ACTN1: variants seen among roughly 807,000 people sequenced by gnomAD.
The protein encoded by ACTN1 is actinin alpha 1.
ACTN1 carries 30 observed loss-of-function variants against 119.6 expected under a neutral mutation model. The observed-to-expected ratio is 0.25, with a 90% CI of 0.19 to 0.34. ACTN1 has a LOEUF of 0.34. ACTN1 is among the 10% of genes least tolerant of loss of function. The pLI, the probability that ACTN1 is intolerant of heterozygous loss-of-function variation, is 1.00. For synonymous variants in ACTN1, 429 were observed against 472.6 expected, an observed-to-expected ratio of 0.91 and a Z score of 1.20; for missense variants, 764 against 1,223.4, an observed-to-expected ratio of 0.62 and a Z score of 5.60.
intron 1 of ACTN1, among the ~76,000 whole-genome samples, chr14:68,946,513 A>G (rs1319805466): frequency 1.3e-5 from 2 of 152,154 alleles, no homozygotes. Flanking sequence ...GAAGTGGCAG[A>G]AGTCCTACCC....
At chr14:68,918,203 C>T (rs1246804051) in intron 3 of ACTN1, among the ~76,000 whole-genome samples, 1 of 152,232 alleles carries the variant, frequency 6.6e-6, no homozygotes. Flanking sequence ...AGAGTTCACG[C>T]CAGTGTTCCT....
chr14:68,935,326 G>A (rs902390431), intron 1 of ACTN1, among the ~76,000 whole-genome samples: 7 of 149,412 alleles, frequency 4.7e-5, no homozygotes, highest in Admixed American at 2.0e-4. Context: ...GCCTGGCAAT[G>A]TGGTTGGTTT....
intron 1 of ACTN1, among the ~76,000 whole-genome samples, chr14:68,930,503 G>A (rs1160777338): frequency 2.0e-5 from 3 of 152,146 alleles, no homozygotes; most frequent in African/African-American, 4.8e-5. Flanking sequence ...TTACAATCAA[G>A]CATCCTTCAT....
intron 14 of ACTN1, among the ~76,000 whole-genome samples, chr14:68,883,878 A>G (rs866156061): frequency 6.6e-6 from 1 of 152,078 alleles, no homozygotes; most frequent in Non-Finnish European, 1.5e-5. Context: ...GGAAACAAAC[A>G]TTTGCTTGTG....
chr14:68,893,582 A>C (rs2032659898), intron 9 of ACTN1, 73 bp downstream of exon 9: 1 of 1,388,986 alleles, frequency 7.2e-7, no homozygotes, highest in African/African-American at 1.4e-5. Context: ...GCTCCAAGGA[A>C]AGACTTGGAG....
At chr14:68,888,950 T>C (rs912346479) in intron 11 of ACTN1, among the ~76,000 whole-genome samples, 12 of 152,116 alleles carry the variant, frequency 7.9e-5, no homozygotes, top group African/African-American at 2.7e-4. Flanking sequence ...GCCAAGCCAC[T>C]CCCAAATGGC....
chr14:68,890,376 C>T (rs1047489042), intron 10 of ACTN1, 90 bp from the exon 11 acceptor site: 4 of 1,470,622 alleles, frequency 2.7e-6, no homozygotes, highest in African/African-American at 1.4e-5. Flanking sequence ...GTGCCCCATG[C>T]CTTCCAGGAA....
chr14:68,936,073 C>A (rs367667161), intron 1 of ACTN1, among the ~76,000 whole-genome samples: 13 of 152,310 alleles, frequency 8.5e-5, no homozygotes, highest in Middle Eastern at 3.4e-3. Flanking sequence ...CAAACAAGTC[C>A]CTCCTACCTT....
In ACTN1 at chr14:68,878,896, G is replaced by A. The variant is rs755179466; in HGVS notation, c.2361+93C>T. On this transcript the variant is annotated intron_variant, in intron 19 of 21. Transcript: ENST00000394419. This position sits in a 1 kb window ranked among gnomAD's most constrained non-coding sequence, Gnocchi z 4.4. ...CCCATGGCCCACAGGAGGGGGACAG[G>A]AGATCCAGACAGAGAGAAGAGAAAA... The A allele has an allele frequency of 7.5e-6, 12 of 1,602,448 alleles. No individual in the cohort carries two copies. The highest frequency in any genetic ancestry group is 1.0e-5 in the Non-Finnish European group (12 of 1,178,724).
intron 3 of ACTN1, among the ~76,000 whole-genome samples, chr14:68,915,272 C>T (rs562422146): frequency 2.0e-5 from 3 of 149,602 alleles, no homozygotes; most frequent in Admixed American, 2.0e-4. Flanking sequence ...TCCCCTCCTT[C>T]TCCTCCTCCT....
At chr14:68,976,003 C>T (rs892350038) in intron 1 of ACTN1, among the ~76,000 whole-genome samples, 8 of 152,178 alleles carry the variant, frequency 5.3e-5, no homozygotes, top group Non-Finnish European at 8.8e-5. Context: ...GTCCCATTTA[C>T]AGAGGAGGAA....
intron 1 of ACTN1, among the ~76,000 whole-genome samples, chr14:68,976,731 A>G (rs924652697): frequency 5.3e-5 from 8 of 152,142 alleles, no homozygotes; most frequent in African/African-American, 1.9e-4. Context: ...TCCCAGCCCC[A>G]CCAAACACAG....
Position 68,890,184 on chromosome 14 carries a change from C to G in ACTN1, c.1189G>C (p.Glu397Gln). The change falls in exon 11 of 22, where the codon GAG (glutamate) becomes CAG (glutamine). Residue 397 changes from glutamate to glutamine, a missense_variant. By Grantham distance (29) the Glu-to-Gln change is conservative (BLOSUM62 2). This residue lies in a region of ACTN1 where 544 missense variants were observed against 912.0 expected (regional missense o/e 0.60). Transcript: ENST00000394419. ...ATGGAGGCCTTCTGCCGGAACTTCT[C>G]TGCCAGGTGGTCCAGTCGCTCCAGC... The part of the protein sequence containing the change: ...RRLERLDHLA[E>Q]KFRQKASIHE... The G allele has an allele frequency of 6.2e-7, 1 of 1,614,200 alleles. No homozygotes were observed.
chr14:68,931,759 A>T (rs1261436663), intron 1 of ACTN1, among the ~76,000 whole-genome samples: 3 of 152,148 alleles, frequency 2.0e-5, no homozygotes, highest in African/African-American at 7.2e-5. Context: ...AGGCTCCAAA[A>T]ATGGGAGCTA....
chr14:68,902,358 CGA>C, intron 8 of ACTN1, 117 bp downstream of exon 8: 1 of 876,822 alleles, frequency 1.1e-6, no homozygotes, highest in Non-Finnish European at 1.9e-6. Context: ...TGCCTCTGTC[CGA>C]GAGACCAGAC....
chr14:68,890,619 C>T (rs1173058353), intron 10 of ACTN1, among the ~76,000 whole-genome samples: 1 of 152,096 alleles, frequency 6.6e-6, no homozygotes, highest in Non-Finnish European at 1.5e-5. Flanking sequence ...TCTAACCGAT[C>T]ACAGAGGTCA....
Position 68,880,908 on chromosome 14 carries a change from C to T in ACTN1, c.2035G>A (p.Val679Ile), listed in dbSNP as rs563771485. ...SHLRQYEKSI[V>I]NYKPKIDQLE... is the part of the protein sequence containing the mutation. Reference sequence around the variant, plus strand: ...TGATCAATCTTTGGCTTGTAGTTGACGATGCTCTTCTCATACTGCCGCAGG... The same window carrying T: ...TGATCAATCTTTGGCTTGTAGTTGATGATGCTCTTCTCATACTGCCGCAGG... Residue 679 changes from valine (V) to isoleucine (I), a missense_variant, in exon 17 of 22, where the codon GTC becomes ATC. Coordinates refer to ENST00000394419, the MANE Select transcript of ACTN1 (RefSeq NM_001130004.2). The surrounding 1 kb of genome is among the most constrained non-coding windows in gnomAD (Gnocchi z 4.6). 2.4e-5 allele frequency: 39 copies of T among 1,614,096 alleles called. No homozygotes were observed. The South Asian group carries it at 3.5e-4, about 15-fold the overall frequency.
rs542585626 is a variant in ACTN1, at chr14:68,971,335, C to CTGGT, written c.105+7613_105+7616dup. Reference sequence around the variant, plus strand: ...AAAACCAAGACATAGTTAATAAGTACTGGTTGGTTGGTTGGTTGGATGGTT... The same window carrying CTGGT: ...AAAACCAAGACATAGTTAATAAGTACTGGTTGGTTGGTTGGTTGGTTGGATGGTT... On this transcript the variant is annotated intron_variant, in intron 1 of 21. Coordinates refer to ENST00000394419, the MANE Select transcript of ACTN1 (RefSeq NM_001130004.2). Among the ~76,000 whole-genome samples the CTGGT allele has an allele frequency of 6.9e-3, 1,057 of 152,338 alleles. 4 individuals are homozygous for CTGGT. Among genetic ancestry groups the CTGGT allele is most frequent in the Non-Finnish European group, 0.011 (778 of 68,036 alleles).
intron 2 of ACTN1, among the ~76,000 whole-genome samples, chr14:68,924,329 T>C (rs1329415533): frequency 6.6e-6 from 1 of 152,008 alleles, no homozygotes. Context: ...AAAAAACTAC[T>C]TTTAAAAAAA....
Sources: allele counts gnomAD v4.1 joint callset (sites outside exome capture counted in the v4.1 genomes callset), GRCh38; gene constraint gnomAD v4.1.1; regional missense constraint gnomAD v4.1.1; non-coding constraint Gnocchi (gnomAD v3.1); transcripts MANE v1.5; gene names NCBI Gene and HGNC (gene_info 2026-07-23, HGNC 2026-07-21).